The following MAGI2 variants were observed in gnomAD, a reference collection of about 807,000 sequenced individuals.
MAGI2 encodes membrane-associated guanylate kinase, WW and PDZ domain-containing protein 2.
Under a neutral mutation model 133.3 loss-of-function variants are expected in MAGI2, and 35 were observed. That is an observed-to-expected ratio of 0.26 (90% CI 0.20 to 0.35). MAGI2 has a LOEUF of 0.35. Among genes scored for constraint, MAGI2 ranks in the 10% least tolerant of loss-of-function variants. The pLI, the probability that MAGI2 is intolerant of heterozygous loss-of-function variation, is 1.00. For synonymous variants in MAGI2, 729 were observed against 710.6 expected (o/e 1.03, Z -0.41); for missense variants, 1,636 against 1,863.4 (o/e 0.88, Z 2.25).
intron 1 of MAGI2, among the ~76,000 whole-genome samples, chr7:79,074,062 T>C (rs1815235688): frequency 6.6e-6 from 1 of 152,146 alleles, no homozygotes; most frequent in Non-Finnish European, 1.5e-5. Context: ...AAAATGTAAA[T>C]TTATATGCCC....
chr7:79,298,371 C>T (rs148465271), intron 1 of MAGI2, among the ~76,000 whole-genome samples: 1 of 152,024 alleles, frequency 6.6e-6, no homozygotes, highest in Non-Finnish European at 1.5e-5. Context: ...GGCAGCATAA[C>T]AAAATTGCTA....
intron 5 of MAGI2, among the ~76,000 whole-genome samples, chr7:78,494,580 C>A (rs1793918827): frequency 6.6e-6 from 1 of 152,120 alleles, no homozygotes; most frequent in Non-Finnish European, 1.5e-5. Flanking sequence ...TAACCTAATT[C>A]AAACCTAATA....
At chr7:78,372,748 C>T (rs10229988) in intron 6 of MAGI2, among the ~76,000 whole-genome samples, 116,495 of 151,824 alleles carry the variant, frequency 0.77, 44,930 homozygotes, top group African/African-American at 0.83. Context: ...AAAGATTAAA[C>T]ACGCACCTAG....
intron 16 of MAGI2, among the ~76,000 whole-genome samples, chr7:78,150,400 A>T (rs912162936): frequency 6.6e-6 from 1 of 152,196 alleles, no homozygotes; most frequent in African/African-American, 2.4e-5. Context: ...AGAGAAAAAT[A>T]AAAAATCACA....
At chr7:79,106,819 G>A (rs1433281520) in intron 1 of MAGI2, among the ~76,000 whole-genome samples, 1 of 152,170 alleles carries the variant, frequency 6.6e-6, no homozygotes, top group Non-Finnish European at 1.5e-5. Flanking sequence ...TTGGTTTCAT[G>A]TAATCTCTGA....
chr7:79,328,843 ATGTAGTTATAATTATCTCTT>A (rs1839877556), intron 1 of MAGI2, among the ~76,000 whole-genome samples: 1 of 152,100 alleles, frequency 6.6e-6, no homozygotes, highest in African/African-American at 2.4e-5. Flanking sequence ...CGTAATTTCT[ATGTAGTTATAATTATCTCTT>A]TCTCTGTAAA....
intron 3 of MAGI2, among the ~76,000 whole-genome samples, chr7:78,527,577 T>C (rs2150607975): frequency 6.6e-6 from 1 of 152,364 alleles, no homozygotes; most frequent in South Asian, 2.1e-4. Flanking sequence ...AGATGCACCA[T>C]GTTCTTTATG....
At chr7:78,623,702 G>GA (rs1259231553) in intron 3 of MAGI2, among the ~76,000 whole-genome samples, 1 of 152,118 alleles carries the variant, frequency 6.6e-6, no homozygotes, top group East Asian at 1.9e-4. Context: ...TAATGGAAGA[G>GA]ATTTTAATAC....
At chr7:78,020,335 C>T (rs1393247615) in intron 21 of MAGI2, among the ~76,000 whole-genome samples, 2 of 152,162 alleles carry the variant, frequency 1.3e-5, no homozygotes, top group African/African-American at 2.4e-5. Context: ...ATAAATGGGT[C>T]TCCAACTCGA....
intron 1 of MAGI2, among the ~76,000 whole-genome samples, chr7:79,420,599 A>G (rs1846886597): frequency 6.6e-6 from 1 of 152,034 alleles, no homozygotes; most frequent in South Asian, 2.1e-4. Context: ...CTAGGCACAT[A>G]TTACAGCATC....
intron 2 of MAGI2, among the ~76,000 whole-genome samples, chr7:78,720,214 A>G (rs950763799): frequency 6.6e-6 from 1 of 152,172 alleles, no homozygotes; most frequent in Admixed American, 6.5e-5. Context: ...GGAGAAACAC[A>G]GTACTGACAT....
intron 1 of MAGI2, among the ~76,000 whole-genome samples, chr7:79,169,096 C>T (rs78090505): frequency 0.056 from 8,501 of 151,824 alleles, 485 homozygotes; most frequent in East Asian, 0.15. Context: ...CTACCCTTGG[C>T]ATCAGCAATA....
At chr7:78,576,046 T>C (rs1235980707) in intron 3 of MAGI2, among the ~76,000 whole-genome samples, 1 of 152,112 alleles carries the variant, frequency 6.6e-6, no homozygotes, top group Non-Finnish European at 1.5e-5. Context: ...ATAAATATAA[T>C]CTATTCTAAA....
intron 17 of MAGI2, 28 bp downstream of exon 17, chr7:78,134,991 CCT>C (rs1183414418): frequency 6.2e-7 from 1 of 1,604,934 alleles, no homozygotes; most frequent in Non-Finnish European, 8.5e-7. Context: ...GTGTTGGCCG[CCT>C]CTCTGCAAGG....
chr7:78,069,727 G>A lies in MAGI2; in HGVS notation c.3706+9220C>T, dbSNP rs1814284720. Among the ~76,000 whole-genome samples the A allele has an allele frequency of 2.0e-5, 3 of 152,032 alleles. No individual in the cohort carries two copies. In the South Asian group the frequency reaches 6.2e-4, roughly 32 times the overall value. ...GTAAGAAAAATTTTCTTGAATTGGT[G>A]ACTTCTTTAAGGTCTTCCCCATAGT... On this transcript the variant is annotated intron_variant, in intron 21 of 21. Transcript: ENST00000354212.
chr7:78,020,131 G>T (rs1290279594), intron 21 of MAGI2, among the ~76,000 whole-genome samples, 155 bp from the exon 22 acceptor site: 2 of 143,120 alleles, frequency 1.4e-5, no homozygotes, highest in East Asian at 4.1e-4. Flanking sequence ...ACTGCCGAGA[G>T]GGCAGCGGCC....
At chr7:78,955,718 T>C (rs1295389120) in intron 2 of MAGI2, among the ~76,000 whole-genome samples, 1 of 135,118 alleles carries the variant, frequency 7.4e-6, no homozygotes, top group Non-Finnish European at 1.6e-5. Context: ...TCTTTTTCTT[T>C]CTTTCTCTTT....
intron 20 of MAGI2, among the ~76,000 whole-genome samples, chr7:78,124,927 A>G (rs1341739327): frequency 1.3e-5 from 2 of 148,356 alleles, no homozygotes; most frequent in Non-Finnish European, 3.0e-5. Context: ...CAGTGGCACG[A>G]TCTTGGCTCA....
chr7:78,603,842 G>A (rs547861679), intron 3 of MAGI2, among the ~76,000 whole-genome samples: 3 of 152,134 alleles, frequency 2.0e-5, no homozygotes, highest in Middle Eastern at 3.4e-3. Context: ...TTTCTTATAG[G>A]CTACCAAGAA....
Sources: allele counts gnomAD v4.1 joint callset (sites outside exome capture counted in the v4.1 genomes callset), GRCh38; gene constraint gnomAD v4.1.1; transcripts MANE v1.5; gene names NCBI Gene and HGNC (gene_info 2026-07-23, HGNC 2026-07-21).